GRID2: variants seen among roughly 807,000 people sequenced by gnomAD.
The protein encoded by GRID2 is glutamate ionotropic receptor delta type subunit 2.
In GRID2, 33 loss-of-function variants were observed where a neutral mutation model predicts 114.8. That is an observed-to-expected ratio of 0.29 (90% CI 0.22 to 0.38). GRID2 has a LOEUF of 0.38. Among genes scored for constraint, GRID2 ranks in the 10% least tolerant of loss-of-function variants. The pLI, the probability that GRID2 is intolerant of heterozygous loss-of-function variation, is 1.00. For missense variants in GRID2, 1,184 were observed against 1,257.7 expected, an observed-to-expected ratio of 0.94 and a Z score of 0.89; for synonymous variants, 505 against 449.9, an observed-to-expected ratio of 1.12 and a Z score of -1.55.
intron 1 of GRID2, among the ~76,000 whole-genome samples, chr4:92,567,329 T>A (rs1181182509): frequency 6.6e-6 from 1 of 152,050 alleles, no homozygotes. Context: ...ATAAATGATT[T>A]AACTACACAG....
intron 4 of GRID2, among the ~76,000 whole-genome samples, chr4:93,153,905 A>G (rs376705025): frequency 1.3e-5 from 2 of 152,082 alleles, no homozygotes; most frequent in Non-Finnish European, 2.9e-5. Flanking sequence ...GATGTACAAT[A>G]TAGTATTATT....
Position 92,676,329 on chromosome 4 carries a change from A to G in GRID2, c.244+86043A>G, listed in dbSNP as rs777188394. 1.1e-3 allele frequency among the ~76,000 whole-genome samples: 162 copies of G among 151,762 alleles called. 1 individual carries two copies. The highest frequency in any genetic ancestry group is 6.8e-3 in the Middle Eastern group (2 of 294). On this transcript the variant is annotated intron_variant, in intron 2 of 15. Coordinates refer to ENST00000282020, the MANE Select transcript of GRID2 (RefSeq NM_001510.4). Reference sequence around the variant, plus strand: ...CGAGTAGCTGGGACTACAGGTGCCCACCACAACGCCCGGCTAATTTGTTGT... The same window carrying G: ...CGAGTAGCTGGGACTACAGGTGCCCGCCACAACGCCCGGCTAATTTGTTGT...
intron 13 of GRID2, among the ~76,000 whole-genome samples, chr4:93,596,577 TA>T (rs990771610): frequency 8.2e-5 from 12 of 146,538 alleles, no homozygotes; most frequent in Non-Finnish European, 7.5e-5. Context: ...GACTCGGTCT[TA>T]AAAAAAAAAG....
chr4:92,856,139 G>C (rs186687262), intron 2 of GRID2, among the ~76,000 whole-genome samples: 1 of 152,132 alleles, frequency 6.6e-6, no homozygotes, highest in East Asian at 1.9e-4. Flanking sequence ...TTTTAAGACA[G>C]CTGGGTCTAC....
chr4:93,764,430 A>G (rs1024922890), intron 14 of GRID2, among the ~76,000 whole-genome samples: 1 of 152,202 alleles, frequency 6.6e-6, no homozygotes, highest in African/African-American at 2.4e-5. Context: ...ATTAAGAAGT[A>G]TGTACCGGAA....
chr4:92,475,114 TATAATAATAATAATAAATAATA>T (rs1722234695), intron 1 of GRID2, among the ~76,000 whole-genome samples: 1 of 132,688 alleles, frequency 7.5e-6, no homozygotes, highest in Non-Finnish European at 1.6e-5. Context: ...AAACTTAAAG[TATAATAATAATAATAAATAATA>T]ATAATAATAA....
At chr4:93,009,605 A>G (rs1721912400) in intron 2 of GRID2, among the ~76,000 whole-genome samples, 1 of 152,054 alleles carries the variant, frequency 6.6e-6, no homozygotes, top group African/African-American at 2.4e-5. Flanking sequence ...TTATTCTAAC[A>G]TATGTAGTTG....
chr4:93,764,504 A>G (rs1037008550), intron 14 of GRID2, among the ~76,000 whole-genome samples: 1 of 152,166 alleles, frequency 6.6e-6, no homozygotes, highest in African/African-American at 2.4e-5. Context: ...TAGAGTTGCA[A>G]TAGCCTTCCG....
At chr4:92,906,782 T>C (rs915434894) in intron 2 of GRID2, among the ~76,000 whole-genome samples, 1 of 152,032 alleles carries the variant, frequency 6.6e-6, no homozygotes, top group East Asian at 1.9e-4. Context: ...TAATAACTAC[T>C]AGGACTTTAA....
intron 2 of GRID2, among the ~76,000 whole-genome samples, chr4:92,990,213 TGTGTGTGTGTGTG>T (rs1192667069): frequency 1.1e-5 from 1 of 90,560 alleles, no homozygotes; most frequent in Non-Finnish European, 2.6e-5. Flanking sequence ...TGTGTGTGTG[TGTGTGTGTGTGTG>T]TGTGTGTGTG....
chr4:92,960,150 T>C (rs1465106204), intron 2 of GRID2, among the ~76,000 whole-genome samples: 1 of 152,084 alleles, frequency 6.6e-6, no homozygotes, highest in Non-Finnish European at 1.5e-5. Flanking sequence ...TTCCTATTCT[T>C]TCAAATTTGT....
chr4:93,781,421 T>C (rs1734476747), intron 1 of GRID2, among the ~76,000 whole-genome samples: 1 of 150,702 alleles, frequency 6.6e-6, no homozygotes, highest in Non-Finnish European at 1.5e-5. Context: ...TGGGCTGCGG[T>C]GAGGGGCTGC....
chr4:93,673,559 CAA>C (rs1391177163), intron 14 of GRID2, among the ~76,000 whole-genome samples: 1 of 152,016 alleles, frequency 6.6e-6, no homozygotes, highest in African/African-American at 2.4e-5. Flanking sequence ...CTTTTTTTCA[CAA>C]GACATTATTT....
chr4:92,623,918 C>T (rs1205183210), intron 2 of GRID2, among the ~76,000 whole-genome samples: 2 of 151,748 alleles, frequency 1.3e-5, no homozygotes, highest in African/African-American at 2.4e-5. Flanking sequence ...TCTGCAGTCC[C>T]TACACCTAAC....
intron 1 of GRID2, among the ~76,000 whole-genome samples, chr4:92,386,938 T>C (rs1319544988): frequency 2.0e-5 from 3 of 151,964 alleles, no homozygotes; most frequent in African/African-American, 4.8e-5. Context: ...AATTTGGTAC[T>C]GATGATAATG....
intron 13 of GRID2, among the ~76,000 whole-genome samples, chr4:93,553,705 T>C (rs1734009417): frequency 1.3e-5 from 2 of 152,198 alleles, no homozygotes; most frequent in Admixed American, 1.3e-4. Context: ...TTAAGGAAGA[T>C]TTGTCTAAGG....
intron 13 of GRID2, among the ~76,000 whole-genome samples, chr4:93,544,753 G>A (rs148664798): frequency 0.011 from 1,631 of 149,756 alleles, 40 homozygotes; most frequent in African/African-American, 0.038. Context: ...CTTCAGCCTG[G>A]GCAACAAGAG....
intron 2 of GRID2, among the ~76,000 whole-genome samples, chr4:92,911,807 C>CTA (rs2087023192): frequency 6.6e-6 from 1 of 150,646 alleles, no homozygotes; most frequent in African/African-American, 2.4e-5. Context: ...CAATTTTTTC[C>CTA]TAGTTGTTCA....
At position 93,007,273 on chromosome 4, in the gene GRID2, C is replaced by T. The variant is rs557957045; in HGVS notation, c.245-77722C>T. ...TTTTAGAAATAAGGATCTTCAGCCA[C>T]ATGTTGAAAAGTCACATTTTGGTAA... is the stretch of plus-strand genomic sequence containing the variant. On this transcript the variant is annotated intron_variant, in intron 2 of 15. Coordinates refer to ENST00000282020, the MANE Select transcript of GRID2 (RefSeq NM_001510.4). Among the ~76,000 whole-genome samples the T allele has an allele frequency of 2.1e-3, 320 of 152,002 alleles. 1 individual carries two copies. The highest frequency in any genetic ancestry group is 7.3e-3 in the African/African-American group (305 of 41,498).
Sources: allele counts gnomAD v4.1 joint callset (sites outside exome capture counted in the v4.1 genomes callset), GRCh38; gene constraint gnomAD v4.1.1; transcripts MANE v1.5; gene names NCBI Gene and HGNC (gene_info 2026-07-23, HGNC 2026-07-21).